The following KCNU1 variants were observed in gnomAD, a reference collection of about 807,000 sequenced individuals.
KCNU1 encodes potassium channel subfamily U member 1.
Under a neutral mutation model 126.8 loss-of-function variants are expected in KCNU1, and 93 were observed. That is an observed-to-expected ratio of 0.73 (90% confidence interval 0.62 to 0.87). The LOEUF (loss-of-function observed/expected upper bound fraction) is 0.87. KCNU1 is among the 40% of genes least tolerant of loss of function. KCNU1 has a pLI of 0.00. For synonymous variants in KCNU1, 523 were observed against 494.2 expected (o/e 1.06, Z -0.77); for missense variants, 1,330 against 1,367.1 (o/e 0.97, Z 0.43).
Position 36,844,066 on chromosome 8 carries a change from AC to A in KCNU1, c.1704-1512del, listed in dbSNP as rs535098497. ...AGATATTTAATATGAGTTCAGAGAAACCTTTCTCCTTTTAAAAAAATGAAAG... is the reference window on the plus strand; with the variant it reads ...AGATATTTAATATGAGTTCAGAGAAACTTTCTCCTTTTAAAAAAATGAAAG... On this transcript the variant is annotated intron_variant, in intron 16 of 26. Coordinates refer to ENST00000399881, the MANE Select transcript of KCNU1 (RefSeq NM_001031836.3). Among the ~76,000 whole-genome samples the A allele has an allele frequency of 2.7e-3, 405 of 152,222 alleles. 1 individual carries two copies. The highest frequency in any genetic ancestry group is 3.0e-3 in the Non-Finnish European group (206 of 68,014).
At chr8:36,829,731 A>C (rs1253668173) in intron 10 of KCNU1, among the ~76,000 whole-genome samples, 6 of 151,424 alleles carry the variant, frequency 4.0e-5, no homozygotes, top group Middle Eastern at 6.8e-3. Context: ...TTATGCTACA[A>C]ACTCTTTCCA....
intron 19 of KCNU1, among the ~76,000 whole-genome samples, chr8:36,880,641 AGCTG>A: frequency 6.6e-6 from 1 of 152,088 alleles, no homozygotes; most frequent in Non-Finnish European, 1.5e-5. Context: ...CAATCCCACC[AGCTG>A]GTTGGAATCC....
chr8:36,851,137 G>C (rs1466021824), intron 18 of KCNU1, among the ~76,000 whole-genome samples: 1 of 152,074 alleles, frequency 6.6e-6, no homozygotes, highest in Non-Finnish European at 1.5e-5. Flanking sequence ...TTTTAACTGT[G>C]AGCCTTTTGA....
chr8:36,878,144 A>G (rs1011852887), intron 19 of KCNU1, among the ~76,000 whole-genome samples: 7 of 152,214 alleles, frequency 4.6e-5, no homozygotes, highest in Admixed American at 3.3e-4. Context: ...CTTATGTGGT[A>G]TTTTAAAAAG....
At chr8:36,831,344 A>G (rs375519950) in intron 10 of KCNU1, among the ~76,000 whole-genome samples, 13 of 151,242 alleles carry the variant, frequency 8.6e-5, no homozygotes, top group Admixed American at 2.6e-4. Flanking sequence ...ACTGACTTCC[A>G]CAATGGTTGA....
intron 19 of KCNU1, among the ~76,000 whole-genome samples, chr8:36,890,271 T>TA (rs541265354): frequency 9.2e-5 from 14 of 152,052 alleles, no homozygotes; most frequent in Non-Finnish European, 1.2e-4. Flanking sequence ...TTAATTGACT[T>TA]AAAATATAAC....
chr8:36,835,858 A>G (rs1340119750), intron 12 of KCNU1, among the ~76,000 whole-genome samples: 1 of 152,240 alleles, frequency 6.6e-6, no homozygotes, highest in Non-Finnish European at 1.5e-5. Context: ...TGTACCATAC[A>G]TAGTACAGTA....
At chr8:36,855,249 C>T (rs193186670) in intron 18 of KCNU1, among the ~76,000 whole-genome samples, 15 of 152,192 alleles carry the variant, frequency 9.9e-5, no homozygotes, top group African/African-American at 3.6e-4. Flanking sequence ...ACATTTTATT[C>T]TTCAGTTTTC....
chr8:36,805,586 G>A (rs1314481769), intron 4 of KCNU1, among the ~76,000 whole-genome samples: 1 of 152,148 alleles, frequency 6.6e-6, no homozygotes, highest in Non-Finnish European at 1.5e-5. Flanking sequence ...CAAGCGAGCA[G>A]AACTTGAGTA....
At chr8:36,849,632 C>CT (rs1034771748) in intron 18 of KCNU1, among the ~76,000 whole-genome samples, 7 of 152,060 alleles carry the variant, frequency 4.6e-5, no homozygotes, top group Non-Finnish European at 1.0e-4. Flanking sequence ...AACCTCATTT[C>CT]TTTTTCTTGC....
At chr8:36,821,542 A>G (rs1411740575) in intron 10 of KCNU1, among the ~76,000 whole-genome samples, 1 of 152,160 alleles carries the variant, frequency 6.6e-6, no homozygotes, top group Non-Finnish European at 1.5e-5. Context: ...AAGATCCAGG[A>G]CTTTGAGCTG....
chr8:36,828,278 A>C (rs1804398999), intron 10 of KCNU1, among the ~76,000 whole-genome samples: 1 of 152,074 alleles, frequency 6.6e-6, no homozygotes, highest in Admixed American at 6.6e-5. Flanking sequence ...TTGGTTATTT[A>C]TGTTACTAGT....
intron 24 of KCNU1, among the ~76,000 whole-genome samples, chr8:36,926,172 G>A (rs868359473): frequency 1.6e-4 from 25 of 152,068 alleles, no homozygotes; most frequent in African/African-American, 5.1e-4. Context: ...TGTCAAATAC[G>A]GAAGCTTAGC....
rs566921988 is a variant in KCNU1 at position 36,921,296 on chromosome 8, A to T, written c.2597-1194A>T. ...CAGTGGATTGCTCTTTAGGATAGGA[A>T]CCTGAGCTCAGGAAACCAGAGTCTT... On this transcript the variant is annotated intron_variant, in intron 23 of 26. Coordinates refer to ENST00000399881, the MANE Select transcript of KCNU1 (RefSeq NM_001031836.3). 5.3e-5 allele frequency among the ~76,000 whole-genome samples: 8 copies of T among 152,254 alleles called. No homozygotes were observed. In the South Asian group the frequency reaches 1.7e-3, roughly 32 times the overall value.
chr8:36,791,152 T>C (rs1384249667), intron 2 of KCNU1, among the ~76,000 whole-genome samples: 2 of 152,184 alleles, frequency 1.3e-5, no homozygotes, highest in African/African-American at 4.8e-5. Flanking sequence ...TGACAAGGTA[T>C]TGATCAACTC....
chr8:36,894,478 T>G (rs77254144), intron 19 of KCNU1, among the ~76,000 whole-genome samples: 2,417 of 152,198 alleles, frequency 0.016, 68 homozygotes, highest in African/African-American at 0.055. Context: ...TAAAACTACC[T>G]AGTACTATTA....
intron 2 of KCNU1, 116 bp from the exon 3 acceptor site, chr8:36,803,911 T>C (rs1327355963): frequency 7.0e-6 from 5 of 718,848 alleles, no homozygotes; most frequent in African/African-American, 1.8e-5. Flanking sequence ...TAAGTGAATA[T>C]GTGAATAAAT....
chr8:36,900,275 G>T (rs76102203), intron 19 of KCNU1, among the ~76,000 whole-genome samples: 24 of 152,070 alleles, frequency 1.6e-4, no homozygotes, highest in Non-Finnish European at 3.5e-4. Context: ...GTTTCTTGGC[G>T]CTCACAGGAT....
intron 24 of KCNU1, among the ~76,000 whole-genome samples, chr8:36,929,924 C>A (rs1283292814): frequency 6.6e-6 from 1 of 151,966 alleles, no homozygotes; most frequent in African/African-American, 2.4e-5. Context: ...AAAATCAAGG[C>A]AGAACAAGAA....
Sources: gnomAD v4.1 joint callset for allele counts (sites outside exome capture counted in the v4.1 genomes callset) on GRCh38, gnomAD v4.1.1 for gene constraint, MANE v1.5 for transcripts, NCBI Gene and HGNC (gene_info 2026-07-23, HGNC 2026-07-21) for gene names.